The following NYAP2 variants were observed in gnomAD, a reference collection of about 807,000 sequenced individuals.
NYAP2 encodes neuronal tyrosine-phosphorylated phosphoinositide-3-kinase adaptor 2, also known as neuronal tyrosine-phosphorylated phosphoinositide-3-kinase adapter 2.
A neutral mutation model predicts 50.4 loss-of-function variants in NYAP2; 23 were observed. That is an observed-to-expected ratio of 0.46 (90% confidence interval 0.33 to 0.65). The LOEUF (loss-of-function observed/expected upper bound fraction) is 0.65, where lower values mean the gene tolerates loss of function less well. Among genes scored for constraint, NYAP2 ranks in the 30% least tolerant of loss-of-function variants. NYAP2 has a pLI of 0.02. For missense variants in NYAP2, 885 were observed against 861.0 expected, an observed-to-expected ratio of 1.03 and a Z score of -0.35; for synonymous variants, 394 against 365.2, an observed-to-expected ratio of 1.08 and a Z score of -0.90.
At chr2:225,418,016 C>T (rs1695152826) in intron 3 of NYAP2, among the ~76,000 whole-genome samples, 1 of 151,588 alleles carries the variant, frequency 6.6e-6, no homozygotes, top group South Asian at 2.1e-4. Context: ...AAAAAAAATA[C>T]TAAACTAGAG....
At chr2:225,666,716 A>G in the NYAP2 span, among the ~76,000 whole-genome samples, 5 of 152,120 alleles carry the variant, frequency 3.3e-5, no homozygotes, top group Non-Finnish European at 5.9e-5. Flanking sequence ...ACAATAGATG[A>G]CAAATGTTTC....
At chr2:225,686,257 C>A in the NYAP2 span, among the ~76,000 whole-genome samples, 1 of 152,240 alleles carries the variant, frequency 6.6e-6, no homozygotes, top group East Asian at 1.9e-4. Flanking sequence ...TAGTTGTCAT[C>A]TTGTAATATG....
chr2:225,482,798 C>G (rs572389012), intron 3 of NYAP2, among the ~76,000 whole-genome samples: 2 of 152,250 alleles, frequency 1.3e-5, no homozygotes, highest in South Asian at 4.1e-4. Context: ...AGCCCTACCC[C>G]AAACAAACTC....
chr2:225,582,572 C>A lies in NYAP2; in HGVS notation c.1155C>A (p.Ser385=). 1 of 1,594,388 alleles carries A rather than the reference C, an allele frequency of 6.3e-7. No homozygotes were observed. The highest frequency in any genetic ancestry group is 2.3e-5 in the East Asian group (1 of 44,024). ...GGGCGTCGCCCTCCACGCTGCCGTC[C>A]CACGTCCCCGGCCATGCGAAACTGG... is the stretch of plus-strand genomic sequence containing the variant. Residue 385 remains serine, a synonymous_variant, in exon 5 of 7, where the codon TCC becomes TCA. Transcript: ENST00000636099. The surrounding 1 kb of genome is among the most constrained non-coding windows in gnomAD (Gnocchi z 7.0).
intron 4 of NYAP2, among the ~76,000 whole-genome samples, chr2:225,527,822 A>AT (rs1203212099): frequency 2.0e-5 from 3 of 152,006 alleles, no homozygotes; most frequent in South Asian, 2.1e-4. Flanking sequence ...TAATTTTTCT[A>AT]TTTTTTGTAG....
At chr2:225,424,096 A>G (rs1695253380) in intron 3 of NYAP2, among the ~76,000 whole-genome samples, 1 of 152,188 alleles carries the variant, frequency 6.6e-6, no homozygotes, top group African/African-American at 2.4e-5. Flanking sequence ...TATTTTGTTT[A>G]CATTCATATC....
At chr2:225,546,482 G>A (rs188132777) in intron 4 of NYAP2, among the ~76,000 whole-genome samples, 20 of 152,116 alleles carry the variant, frequency 1.3e-4, no homozygotes, top group African/African-American at 4.1e-4. Context: ...AGATCCACAT[G>A]GTGGGTACTG....
intron 3 of NYAP2, among the ~76,000 whole-genome samples, chr2:225,472,967 C>T (rs1242898548): frequency 6.6e-6 from 1 of 152,166 alleles, no homozygotes; most frequent in African/African-American, 2.4e-5. Context: ...ACTCCGCTTA[C>T]CCCACAACAG....
At chr2:225,694,394 A>G in the NYAP2 span, among the ~76,000 whole-genome samples, 1 of 151,896 alleles carries the variant, frequency 6.6e-6, no homozygotes, top group Non-Finnish European at 1.5e-5. Flanking sequence ...TATTTTTAAC[A>G]TACTTCACAT....
chr2:225,644,921 C>T (rs1006979086), intron 6 of NYAP2, among the ~76,000 whole-genome samples: 1 of 152,134 alleles, frequency 6.6e-6, no homozygotes, highest in Admixed American at 6.6e-5. Context: ...CTTGGTGATG[C>T]AGGCTCTTTT....
intron 3 of NYAP2, among the ~76,000 whole-genome samples, chr2:225,436,834 C>T (rs1689387558): frequency 6.6e-6 from 1 of 151,654 alleles, no homozygotes; most frequent in South Asian, 2.1e-4. Context: ...CCCATCTTCA[C>T]TCCCACTGTC....
At chr2:225,512,852 T>TCTTTCTTTCTTC (rs1690852431) in intron 3 of NYAP2, among the ~76,000 whole-genome samples, 4 of 123,672 alleles carry the variant, frequency 3.2e-5, no homozygotes, top group African/African-American at 1.3e-4. Flanking sequence ...TTTCTTTCTT[T>TCTTTCTTTCTTC]CTTCCTTCCT....
intron 4 of NYAP2, among the ~76,000 whole-genome samples, chr2:225,522,695 C>T (rs1172005382): frequency 1.3e-5 from 2 of 152,144 alleles, no homozygotes; most frequent in Admixed American, 1.3e-4. Context: ...ATGGTCCTTT[C>T]TTTCTTGTTG....
intron 2 of NYAP2, among the ~76,000 whole-genome samples, chr2:225,407,329 G>T (rs546701831): frequency 8.7e-4 from 133 of 152,086 alleles, no homozygotes; most frequent in African/African-American, 3.2e-3. Flanking sequence ...GGAATTAAAA[G>T]TCCATTTCAT....
intron 4 of NYAP2, among the ~76,000 whole-genome samples, chr2:225,518,234 A>T (rs180970782): frequency 2.7e-4 from 41 of 152,042 alleles, no homozygotes; most frequent in African/African-American, 8.9e-4. Context: ...GGAAGACATT[A>T]TGTAAAATGA....
intron 4 of NYAP2, among the ~76,000 whole-genome samples, chr2:225,573,567 C>G (rs1035328751): frequency 6.6e-6 from 1 of 151,886 alleles, no homozygotes; most frequent in African/African-American, 2.4e-5. Flanking sequence ...TTTATTATTT[C>G]TTGTTGTTCT....
chr2:225,628,820 G>A (rs13428386), intron 6 of NYAP2, among the ~76,000 whole-genome samples: 40,054 of 151,860 alleles, frequency 0.26, 5,378 homozygotes, highest in African/African-American at 0.33. Context: ...AAAATCAGAA[G>A]CATTCTCTGG....
chr2:225,460,947 C>T (rs1689818735), intron 3 of NYAP2, among the ~76,000 whole-genome samples: 1 of 142,188 alleles, frequency 7.0e-6, no homozygotes, highest in African/African-American at 2.8e-5. Context: ...GAGCCGAAAT[C>T]GCGCCACTGC....
intron 4 of NYAP2, among the ~76,000 whole-genome samples, chr2:225,520,046 GTT>G (rs1410374265): frequency 6.6e-6 from 1 of 152,174 alleles, no homozygotes; most frequent in African/African-American, 2.4e-5. Context: ...TTTTTCATGT[GTT>G]TTTCAGTTAC....
Sources: gnomAD v4.1 joint callset for allele counts (sites outside exome capture counted in the v4.1 genomes callset) on GRCh38, gnomAD v4.1.1 for gene constraint, Gnocchi (gnomAD v3.1) non-coding constraint, MANE v1.5 for transcripts, NCBI Gene and HGNC (gene_info 2026-07-23, HGNC 2026-07-21) for gene names.